CNGB3: variants seen among roughly 807,000 people sequenced by gnomAD.
CNGB3 encodes the protein cyclic nucleotide gated channel subunit beta 3.
CNGB3 carries 86 observed loss-of-function variants against 92.8 expected under a neutral mutation model. The ratio of observed to expected loss-of-function variants is 0.93; its 90% CI spans 0.78 to 1.11. The LOEUF (loss-of-function observed/expected upper bound fraction) is 1.11. Ranked by LOEUF, CNGB3 falls within the 50% of genes least tolerant of loss-of-function variation. The probability of loss-of-function intolerance (pLI) is 0.00; values close to 1 mark genes in which losing one functional copy is unlikely to be tolerated. For synonymous variants in CNGB3, 333 were observed against 332.7 expected, an observed-to-expected ratio of 1.00 and a Z score of -0.01; for missense variants, 1,026 against 956.8, an observed-to-expected ratio of 1.07 and a Z score of -0.95.
At chr8:86,735,042 GTTTTTTTTTTTTTTTT>G (rs60107723) in intron 2 of CNGB3, among the ~76,000 whole-genome samples, 103 of 85,874 alleles carry the variant, frequency 1.2e-3, no homozygotes, top group African/African-American at 4.5e-3. Flanking sequence ...AATGCCGGTG[GTTTTTTTTTTTTTTTT>G]TTTTTTTTTT....
At position 86,654,070 on chromosome 8, in the gene CNGB3, A is replaced by T. The variant is rs1311324781; in HGVS notation, c.853-8T>A. The T allele has an allele frequency of 6.4e-7, 1 of 1,565,254 alleles. No individual in the cohort carries two copies. ...TAGCTCATTTGAATCCACCTGAAAG[A>T]TATTTGTATTTTCATTAATTTTAGC... On this transcript the variant is annotated splice_region_variant and splice_polypyrimidine_tract_variant and intron_variant, in intron 6 of 17. Coordinates refer to ENST00000320005, the MANE Select transcript of CNGB3 (RefSeq NM_019098.5).
At chr8:86,697,583 T>C (rs890304375) in intron 3 of CNGB3, among the ~76,000 whole-genome samples, 10 of 152,234 alleles carry the variant, frequency 6.6e-5, no homozygotes, top group Non-Finnish European at 7.3e-5. Flanking sequence ...TAATATTAAT[T>C]GGACTTTAAA....
Position 86,720,719 on chromosome 8 carries a change from T to C in CNGB3, c.338+5812A>G, listed in dbSNP as rs182525172. ...GCATGCATGTTTATAGCAGCACAAT[T>C]TGCTGTTGCAAAAATATGGAACCAA... On this transcript the variant is annotated intron_variant, in intron 3 of 17. Transcript: ENST00000320005. Among the ~76,000 whole-genome samples, 302 of 152,008 alleles carry C rather than the reference T, an allele frequency of 2.0e-3. 6 individuals carry two copies. The highest frequency in any genetic ancestry group is 2.8e-4 in the Non-Finnish European group (19 of 67,992).
At chr8:86,616,783 C>A (rs1203496621) in intron 13 of CNGB3, among the ~76,000 whole-genome samples, 1 of 152,190 alleles carries the variant, frequency 6.6e-6, no homozygotes, top group East Asian at 1.9e-4. Flanking sequence ...GGTCATCACT[C>A]CTGGCTTTTA....
At chr8:86,660,643 T>C (rs1031742424) in intron 6 of CNGB3, 1 of 533,674 alleles carries the variant, frequency 1.9e-6, no homozygotes, top group Non-Finnish European at 3.8e-6. Context: ...TGGCATTTAT[T>C]TGCATAATGA....
Position 86,670,983 on chromosome 8 carries a change from C to A in CNGB3, c.454G>T (p.Glu152Ter). 1 of 1,613,006 alleles carries A rather than the reference C, an allele frequency of 6.2e-7. No individual in the cohort carries two copies. Among genetic ancestry groups the A allele is most frequent in the Middle Eastern group, 1.9e-4 (1 of 5,138 alleles). Residue 152 changes from glutamate (E) to a stop codon, truncating the protein, a stop_gained, in exon 4 of 18, where the codon GAG becomes TAG. Transcript: ENST00000320005. LOFTEE classifies it high-confidence loss of function. The stretch of plus-strand genomic sequence containing the variant: ...GCTTCGGGTGAGGAGAGATCTCCCT[C>A]TACCAACTTTTTCTTGTAGAGGGCT... ...RTALYKKKLV[E>*]GDLSSPEASP...
chr8:86,716,704 A>G (rs939939207), intron 3 of CNGB3, among the ~76,000 whole-genome samples: 2 of 152,230 alleles, frequency 1.3e-5, no homozygotes, highest in African/African-American at 4.8e-5. Flanking sequence ...CAGTACTTAA[A>G]GAACTGCTAA....
intron 15 of CNGB3, among the ~76,000 whole-genome samples, chr8:86,592,497 T>C (rs1822068992): frequency 6.6e-6 from 1 of 152,220 alleles, no homozygotes; most frequent in South Asian, 2.1e-4. Context: ...TTTTGACTGA[T>C]GAAGAAATGA....
chr8:86,743,358 A>G lies in CNGB3; in HGVS notation c.129+141T>C, dbSNP rs1007722019. The G allele has an allele frequency of 3.6e-5, 32 of 876,844 alleles. No individual in the cohort carries two copies. The Middle Eastern group carries it at 1.1e-3, about 30-fold the overall frequency. 54.3% of individuals were successfully genotyped at this position (876,844 alleles called of 1,614,324 possible). ...ACATACAGAATATATAAATTAATGAAGATAAGCCCGACACAGTACATGTAC... is the reference window on the plus strand; with the variant it reads ...ACATACAGAATATATAAATTAATGAGGATAAGCCCGACACAGTACATGTAC... On this transcript the variant is annotated intron_variant, in intron 1 of 17. Transcript: ENST00000320005.
intron 6 of CNGB3, chr8:86,659,418 G>A (rs1041874476): frequency 1.4e-6 from 1 of 693,220 alleles, no homozygotes; most frequent in African/African-American, 1.8e-5. Flanking sequence ...TTCTTTTGCA[G>A]ATCCTCCAAG....
chr8:86,649,309 A>C (rs1462541739), intron 7 of CNGB3, among the ~76,000 whole-genome samples: 1 of 151,776 alleles, frequency 6.6e-6, no homozygotes, highest in South Asian at 2.1e-4. Context: ...ACAGAATTAG[A>C]AAAAACAATT....
At chr8:86,652,355 A>G (rs1201984238) in intron 7 of CNGB3, among the ~76,000 whole-genome samples, 2 of 151,986 alleles carry the variant, frequency 1.3e-5, no homozygotes, top group Non-Finnish European at 2.9e-5. Context: ...TGTAGACTTT[A>G]TAAACACTGT....
chr8:86,632,995 C>A (rs1312888812), intron 10 of CNGB3, 102 bp from the exon 11 acceptor site: 2 of 1,102,430 alleles, frequency 1.8e-6, no homozygotes, highest in South Asian at 1.4e-5. Flanking sequence ...AAATTTCCTA[C>A]TAATCAAGAT....
chr8:86,627,032 T>C (rs1197768662), intron 12 of CNGB3, among the ~76,000 whole-genome samples: 1 of 147,996 alleles, frequency 6.8e-6, no homozygotes, highest in African/African-American at 2.5e-5. Context: ...AGGCCAAGGG[T>C]CACGTTTGTT....
rs563525139 is a variant in CNGB3, at chr8:86,678,103, T to C, written c.339-7005A>G. On this transcript the variant is annotated intron_variant, in intron 3 of 17. Coordinates refer to ENST00000320005, the MANE Select transcript of CNGB3 (RefSeq NM_019098.5). ...GAGTATTGTATTCTAATTTGGGAAGTTTTTAGGGGAGAAAGGAGCACGTCC... is the reference window on the plus strand; with the variant it reads ...GAGTATTGTATTCTAATTTGGGAAGCTTTTAGGGGAGAAAGGAGCACGTCC... 8.5e-5 allele frequency among the ~76,000 whole-genome samples: 13 copies of C among 152,188 alleles called. 1 individual carries two copies. In the South Asian group the frequency reaches 2.5e-3, roughly 29 times the overall value.
At chr8:86,654,701 A>G (rs1823469828) in intron 6 of CNGB3, among the ~76,000 whole-genome samples, 1 of 152,148 alleles carries the variant, frequency 6.6e-6, no homozygotes, top group African/African-American at 2.4e-5. Flanking sequence ...TTTTTCCATG[A>G]AACTTTTTCT....
At chr8:86,701,168 T>C (rs750832987) in intron 3 of CNGB3, among the ~76,000 whole-genome samples, 10 of 152,202 alleles carry the variant, frequency 6.6e-5, no homozygotes, top group Non-Finnish European at 5.9e-5. Flanking sequence ...ATTCTTTCAA[T>C]TAAAATTTAT....
chr8:86,687,621 T>G (rs1824215262), intron 3 of CNGB3, among the ~76,000 whole-genome samples: 1 of 152,048 alleles, frequency 6.6e-6, no homozygotes, highest in African/African-American at 2.4e-5. Context: ...AGGTGGCAGT[T>G]GCGCAACACT....
chr8:86,635,423 C>T (rs1484196630), intron 10 of CNGB3, among the ~76,000 whole-genome samples: 2 of 152,024 alleles, frequency 1.3e-5, no homozygotes, highest in African/African-American at 2.4e-5. Flanking sequence ...ATTACTTTCT[C>T]CCATTTTCTT....
Sources: allele counts gnomAD v4.1 joint callset (sites outside exome capture counted in the v4.1 genomes callset), GRCh38; gene constraint gnomAD v4.1.1; transcripts MANE v1.5; gene names NCBI Gene and HGNC (gene_info 2026-07-23, HGNC 2026-07-21).